TFEC: variants seen among roughly 807,000 people sequenced by gnomAD.
TFEC encodes the protein class E basic helix-loop-helix protein 34.
A neutral mutation model predicts 41.6 loss-of-function variants in TFEC; 31 were observed. The observed-to-expected ratio is 0.74, with a 90% CI of 0.56 to 1.01. The LOEUF is 1.01. Ranked by LOEUF, TFEC falls within the 50% of genes least tolerant of loss-of-function variation. The pLI, the probability that TFEC is intolerant of heterozygous loss-of-function variation, is 0.00. For synonymous variants in TFEC, 143 were observed against 140.6 expected, an observed-to-expected ratio of 1.02 and a Z score of -0.12; for missense variants, 402 against 404.1, an observed-to-expected ratio of 0.99 and a Z score of 0.04.
intron 3 of TFEC, among the ~76,000 whole-genome samples, chr7:116,051,151 G>T (rs1171465393): frequency 6.6e-6 from 1 of 151,960 alleles, no homozygotes; most frequent in Non-Finnish European, 1.5e-5. Flanking sequence ...CTGTCTTGGG[G>T]TTGGGGGAAG....
chr7:115,940,239 A>G lies in TFEC; in HGVS notation c.*312T>C. ...CAGTCATTAGTTCCAGTAGTACACC[A>G]CCAAGTTGCTGCTTTTAAAACATCA... On this transcript the variant is annotated 3_prime_UTR_variant, in exon 8 of 8. Coordinates refer to ENST00000265440, the MANE Select transcript of TFEC (RefSeq NM_012252.4). 4.6e-6 allele frequency: 1 copy of G among 218,630 alleles called. No individual in the cohort carries two copies. Among genetic ancestry groups the G allele is most frequent in the South Asian group, 9.5e-5 (1 of 10,574 alleles). The allele number at this position is 218,630 out of a possible 1,614,324, so 13.5% of individuals were successfully genotyped here. A position where few individuals can be genotyped will look rare whatever the true frequency, so the allele number is the denominator to read the frequency against.
chr7:116,031,378 C>T (rs1181486356), upstream of TFEC, among the ~76,000 whole-genome samples: 7 of 151,994 alleles, frequency 4.6e-5, no homozygotes, highest in Non-Finnish European at 8.8e-5. Context: ...TTATTTACAT[C>T]CCAATTTCAT....
In TFEC at chr7:115,937,263, T is replaced by C. The variant is rs1793276046; in HGVS notation, c.*3288A>G. On this transcript the variant is annotated 3_prime_UTR_variant, in exon 8 of 8. Transcript: ENST00000265440. ...CTTTAAATGAAAAGGGATAATTGTA[T>C]ATTAATTGAATGAATAAATCAATAA... 1 of 151,762 alleles carries C rather than the reference T, an allele frequency of 6.6e-6. No individual in the cohort carries two copies. The highest frequency in any genetic ancestry group is 6.6e-5 in the Admixed American group (1 of 15,210). 9.4% of individuals were successfully genotyped at this position (151,762 alleles called of 1,614,324 possible).
intron 1 of TFEC, among the ~76,000 whole-genome samples, chr7:116,155,509 G>A (rs908475002): frequency 6.6e-6 from 1 of 151,844 alleles, no homozygotes; most frequent in African/African-American, 2.4e-5. Flanking sequence ...TTTTAAAGTT[G>A]ATCCCATTAA....
chr7:116,085,854 A>G (rs1797192418), intron 3 of TFEC, among the ~76,000 whole-genome samples: 1 of 151,882 alleles, frequency 6.6e-6, no homozygotes. Flanking sequence ...CTTTTGATAA[A>G]GCTAACACAA....
upstream of TFEC, among the ~76,000 whole-genome samples, chr7:116,032,575 G>C (rs945576347): frequency 6.6e-6 from 1 of 152,072 alleles, no homozygotes; most frequent in African/African-American, 2.4e-5. Context: ...GGAAATTAAT[G>C]CAGGAACAGA....
chr7:116,109,722 T>C (rs548423493), intron 3 of TFEC, among the ~76,000 whole-genome samples: 2,220 of 152,348 alleles, frequency 0.015, 50 homozygotes, highest in African/African-American at 0.051. Context: ...ATCCCATTAC[T>C]GGGTATATAC....
chr7:115,968,378 G>A (rs888142657), intron 3 of TFEC: 44 of 1,316,804 alleles, frequency 3.3e-5, no homozygotes, highest in Non-Finnish European at 3.8e-5. Context: ...ACAAAAGCTT[G>A]CTCACTGATG....
chr7:116,146,615 C>T (rs550770457), intron 1 of TFEC, among the ~76,000 whole-genome samples: 50 of 152,234 alleles, frequency 3.3e-4, no homozygotes, highest in African/African-American at 1.2e-3. Flanking sequence ...ACAAAAGGAA[C>T]CCAAACCTTC....
chr7:116,017,995 T>C (rs1353565202), intron 1 of TFEC, among the ~76,000 whole-genome samples: 1 of 117,232 alleles, frequency 8.5e-6, no homozygotes, highest in Non-Finnish European at 2.0e-5. Flanking sequence ...AAATATTAGG[T>C]TCTTAATAAA....
At chr7:116,047,484 G>C (rs1319386799) in intron 3 of TFEC, among the ~76,000 whole-genome samples, 3 of 152,120 alleles carry the variant, frequency 2.0e-5, no homozygotes, top group Admixed American at 6.5e-5. Flanking sequence ...GGCTTGAGTA[G>C]GTAAACAAAG....
rs1314377886 is a variant in TFEC, at chr7:115,938,052, T to G, written c.*2499A>C. 6.6e-6 allele frequency: 1 copy of G among 151,894 alleles called. No homozygotes were observed. The highest frequency in any genetic ancestry group is 1.5e-5 in the Non-Finnish European group (1 of 67,864). The allele number at this position is 151,894 out of a possible 1,614,324, so 9.4% of individuals were successfully genotyped here. On this transcript the variant is annotated 3_prime_UTR_variant, in exon 8 of 8. Coordinates refer to ENST00000265440, the MANE Select transcript of TFEC (RefSeq NM_012252.4). ...TACAGTTCCCTGACATCTCATAATCTGAATGTAGCAGCAAATAGCAGTTCC... is the reference window on the plus strand; with the variant it reads ...TACAGTTCCCTGACATCTCATAATCGGAATGTAGCAGCAAATAGCAGTTCC...
chr7:116,130,602 C>A (rs1798313111), intron 1 of TFEC, among the ~76,000 whole-genome samples: 1 of 152,064 alleles, frequency 6.6e-6, no homozygotes, highest in African/African-American at 2.4e-5. Context: ...CTTTATTCTG[C>A]ACAATATTTC....
chr7:116,092,839 G>T (rs1468366639), intron 3 of TFEC, among the ~76,000 whole-genome samples: 1 of 152,098 alleles, frequency 6.6e-6, no homozygotes, highest in African/African-American at 2.4e-5. Context: ...TGCCAGATTA[G>T]ATCTCTAATC....
At chr7:116,073,917 C>T (rs192072029) in intron 3 of TFEC, among the ~76,000 whole-genome samples, 1 of 151,818 alleles carries the variant, frequency 6.6e-6, no homozygotes, top group Admixed American at 6.6e-5. Flanking sequence ...TAAACCCTTA[C>T]ATTTATGGTC....
intron 1 of TFEC, among the ~76,000 whole-genome samples, chr7:116,016,005 A>G (rs1330973215): frequency 6.6e-6 from 1 of 152,172 alleles, no homozygotes; most frequent in East Asian, 1.9e-4. Context: ...GAAGGACAGA[A>G]TGTTAAGTAA....
At chr7:115,947,867 T>C (rs1403317798) in intron 6 of TFEC, among the ~76,000 whole-genome samples, 1 of 151,870 alleles carries the variant, frequency 6.6e-6, no homozygotes, top group Non-Finnish European at 1.5e-5. Flanking sequence ...CTGAAGGAAA[T>C]AGAGACACAA....
intron 1 of TFEC, among the ~76,000 whole-genome samples, chr7:116,004,271 T>C (rs2402026): frequency 0.14 from 20,839 of 152,146 alleles, 1,928 homozygotes; most frequent in Non-Finnish European, 0.21. Flanking sequence ...AGGACACAAA[T>C]TATTATCAAA....
intron 3 of TFEC, among the ~76,000 whole-genome samples, chr7:116,103,165 C>T (rs1047991343): frequency 2.0e-5 from 3 of 152,040 alleles, no homozygotes; most frequent in African/African-American, 7.2e-5. Context: ...GTGAGACAAG[C>T]AAAGGAAAGC....
Sources: allele counts gnomAD v4.1 joint callset (sites outside exome capture counted in the v4.1 genomes callset), GRCh38; gene constraint gnomAD v4.1.1; transcripts MANE v1.5; gene names NCBI Gene and HGNC (gene_info 2026-07-23, HGNC 2026-07-21).